CLPX: variants seen among roughly 807,000 people sequenced by gnomAD.
CLPX encodes the protein ATP-dependent clpX-like chaperone, mitochondrial.
CLPX carries 34 observed loss-of-function variants against 76.4 expected under a neutral mutation model. That is an observed-to-expected ratio of 0.45 (90% CI 0.34 to 0.59). The LOEUF (loss-of-function observed/expected upper bound fraction) is 0.59, where lower values mean the gene tolerates loss of function less well. Among genes scored for constraint, CLPX ranks in the 20% least tolerant of loss-of-function variants. CLPX has a pLI of 0.01. For synonymous variants in CLPX, 248 were observed against 270.9 expected, an observed-to-expected ratio of 0.92 and a Z score of 0.83; for missense variants, 613 against 757.0, an observed-to-expected ratio of 0.81 and a Z score of 2.23.
Position 65,157,779 on chromosome 15 carries a change from C to T in CLPX, c.1024G>A (p.Asp342Asn). Residue 342 changes from aspartate (D) to asparagine (N), a missense_variant, in exon 8 of 14, where the codon GAT becomes AAT. Physicochemically the swap from Asp to Asn is conservative, Grantham distance 23. Coordinates refer to ENST00000300107, the MANE Select transcript of CLPX (RefSeq NM_006660.5). ...IESVIAKLLQ[D>N]ANYNVEKAQQ... ...GCTTTTTCCACATTATAATTGGCAT[C>T]TTGGAGTAGTTTTGCAATCACAGAT... is the stretch of plus-strand genomic sequence containing the variant. 6.2e-7 allele frequency: 1 copy of T among 1,613,700 alleles called. No individual in the cohort carries two copies. Among genetic ancestry groups the T allele is most frequent in the East Asian group, 2.2e-5 (1 of 44,832 alleles).
intron 12 of CLPX, among the ~76,000 whole-genome samples, chr15:65,152,899 T>C (rs1433021507): frequency 6.7e-6 from 1 of 148,982 alleles, no homozygotes; most frequent in African/African-American, 2.5e-5. Flanking sequence ...GCCCAGCCTC[T>C]TTTTTTTTGT....
At chr15:65,172,057 G>A (rs918672730) in intron 3 of CLPX, among the ~76,000 whole-genome samples, 4 of 152,090 alleles carry the variant, frequency 2.6e-5, no homozygotes, top group African/African-American at 7.2e-5. Flanking sequence ...GTGCAATGGC[G>A]CGATCTCAGC....
At chr15:65,170,847 G>A (rs2087993960) in intron 3 of CLPX, among the ~76,000 whole-genome samples, 2 of 119,804 alleles carry the variant, frequency 1.7e-5, no homozygotes, top group African/African-American at 5.9e-5. Flanking sequence ...TTTTGAGACG[G>A]AGTCTCATTC....
chr15:65,181,582 G>C (rs1272017459), intron 1 of CLPX, among the ~76,000 whole-genome samples: 1 of 151,686 alleles, frequency 6.6e-6, no homozygotes, highest in Non-Finnish European at 1.5e-5. Context: ...GTGAAACCCT[G>C]TCTCTACTAA....
At chr15:65,168,540 C>A (rs1338434609) in intron 3 of CLPX, among the ~76,000 whole-genome samples, 1 of 136,614 alleles carries the variant, frequency 7.3e-6, no homozygotes, top group South Asian at 2.2e-4. Flanking sequence ...TAGATGGGAA[C>A]TGAACAATGA....
chr15:65,166,592 A>C (rs1242442163), intron 4 of CLPX, 39 bp downstream of exon 4: 1 of 1,601,284 alleles, frequency 6.2e-7, no homozygotes, highest in East Asian at 2.2e-5. Flanking sequence ...GAATGTTTTC[A>C]AGATAAAATA....
At chr15:65,170,718 C>G (rs961609507) in intron 3 of CLPX, among the ~76,000 whole-genome samples, 5 of 151,560 alleles carry the variant, frequency 3.3e-5, no homozygotes, top group Non-Finnish European at 5.9e-5. Flanking sequence ...TGCAGTGAGC[C>G]AAGACCACGT....
At chr15:65,175,669 A>T (rs887598595) in intron 3 of CLPX, among the ~76,000 whole-genome samples, 7 of 152,180 alleles carry the variant, frequency 4.6e-5, no homozygotes, top group Non-Finnish European at 8.8e-5. Flanking sequence ...AAATGCTCCA[A>T]TGGAGCATTT....
intron 3 of CLPX, among the ~76,000 whole-genome samples, chr15:65,171,228 C>T (rs1285915646): frequency 6.6e-6 from 1 of 152,068 alleles, no homozygotes; most frequent in Admixed American, 6.5e-5. Context: ...AGGTGGATCA[C>T]TTAAGGTCAG....
chr15:65,168,591 C>A (rs1239437628), intron 3 of CLPX, among the ~76,000 whole-genome samples: 2 of 104,620 alleles, frequency 1.9e-5, no homozygotes, highest in African/African-American at 8.0e-5. Context: ...CACACCGGGG[C>A]CTGTCATGGG....
chr15:65,167,720 A>C (rs1460319801), intron 3 of CLPX, among the ~76,000 whole-genome samples: 3 of 151,168 alleles, frequency 2.0e-5, no homozygotes, highest in African/African-American at 7.3e-5. Context: ...TACTAAAAAA[A>C]AAAAAAAAAA....
intron 9 of CLPX, 127 bp downstream of exon 9, chr15:65,156,717 T>C: frequency 5.4e-6 from 3 of 554,780 alleles, no homozygotes; most frequent in East Asian, 3.0e-5. Context: ...CAAAATGATA[T>C]GTGGAGTTTG....
intron 12 of CLPX, among the ~76,000 whole-genome samples, chr15:65,152,812 G>A (rs2087739995): frequency 6.6e-6 from 1 of 151,670 alleles, no homozygotes; most frequent in Non-Finnish European, 1.5e-5. Flanking sequence ...GTCCAGGCTG[G>A]TCTTGAACTC....
intron 6 of CLPX, among the ~76,000 whole-genome samples, chr15:65,161,913 T>C (rs2087860300): frequency 6.6e-6 from 1 of 152,226 alleles, no homozygotes. Flanking sequence ...TTCTCATGGC[T>C]CATCCTATAT....
At chr15:65,164,279 GTTT>G in intron 4 of CLPX, 91 bp from the exon 5 acceptor site, 3 of 1,018,862 alleles carry the variant, frequency 2.9e-6, no homozygotes, top group Non-Finnish European at 4.3e-6. Flanking sequence ...TTTGCTTACA[GTTT>G]TAAATCTGAA....
intron 6 of CLPX, among the ~76,000 whole-genome samples, chr15:65,161,051 T>C (rs542479021): frequency 1.3e-5 from 2 of 152,302 alleles, no homozygotes; most frequent in Non-Finnish European, 2.9e-5. Context: ...GTCTCATGGG[T>C]TTAGGGGAGA....
In CLPX at chr15:65,169,786, G is replaced by A. The variant is rs541334853; in HGVS notation, c.359-3001C>T. On this transcript the variant is annotated intron_variant, in intron 3 of 13. Transcript: ENST00000300107. ...TTTTTTTTTTTTGAGACAGAGTTTCGCTCTTGTTGCCCAGACTAGTGTGCA... is the reference window on the plus strand; with the variant it reads ...TTTTTTTTTTTTGAGACAGAGTTTCACTCTTGTTGCCCAGACTAGTGTGCA... 9.4e-5 allele frequency among the ~76,000 whole-genome samples: 14 copies of A among 149,644 alleles called. No individual in the cohort carries two copies. In the East Asian group the frequency reaches 2.2e-3, roughly 23 times the overall value.
intron 4 of CLPX, among the ~76,000 whole-genome samples, chr15:65,166,353 T>A (rs2087912549): frequency 6.6e-6 from 1 of 152,196 alleles, no homozygotes; most frequent in South Asian, 2.1e-4. Flanking sequence ...TTGTAGATAT[T>A]ATTTCAGATT....
chr15:65,166,048 G>A (rs1170535886), intron 4 of CLPX, among the ~76,000 whole-genome samples: 1 of 152,138 alleles, frequency 6.6e-6, no homozygotes, highest in African/African-American at 2.4e-5. Flanking sequence ...AATACCCAAT[G>A]GAGCTGGTGG....
Sources: gnomAD v4.1 joint callset for allele counts (sites outside exome capture counted in the v4.1 genomes callset) on GRCh38, gnomAD v4.1.1 for gene constraint, MANE v1.5 for transcripts, NCBI Gene and HGNC (gene_info 2026-07-23, HGNC 2026-07-21) for gene names.